NOS1AP: variants seen among roughly 807,000 people sequenced by gnomAD.
NOS1AP encodes the protein carboxyl-terminal PDZ ligand of neuronal nitric oxide synthase protein.
In NOS1AP, 21 loss-of-function variants were observed where a neutral mutation model predicts 56.2. The observed-to-expected ratio is 0.37, with a 90% CI of 0.26 to 0.54. NOS1AP has a LOEUF of 0.54. NOS1AP is among the 20% of genes least tolerant of loss of function. The pLI is 0.84. For missense variants in NOS1AP, 522 were observed against 657.8 expected (o/e 0.79, Z 2.26); for synonymous variants, 270 against 274.6 (o/e 0.98, Z 0.17).
At chr1:162,285,406 C>G (rs1655058046) in intron 2 of NOS1AP, among the ~76,000 whole-genome samples, 1 of 152,158 alleles carries the variant, frequency 6.6e-6, no homozygotes, top group East Asian at 1.9e-4. Context: ...GTTCTCCCAC[C>G]CAGAGGTTAT....
intron 1 of NOS1AP, among the ~76,000 whole-genome samples, chr1:162,150,734 C>T (rs1571066758): frequency 6.6e-6 from 1 of 152,210 alleles, no homozygotes; most frequent in East Asian, 1.9e-4. Context: ...TTTTTATGTA[C>T]CTGTTTCCCA....
At chr1:162,081,774 A>ATATATATTT in intron 1 of NOS1AP, among the ~76,000 whole-genome samples, 8 of 43,918 alleles carry the variant, frequency 1.8e-4, no homozygotes, top group Admixed American at 3.2e-4. Context: ...ATATATATAT[A>ATATATATTT]TTTTTTTTTT....
intron 1 of NOS1AP, among the ~76,000 whole-genome samples, chr1:162,151,328 T>G (rs905866379): frequency 3.3e-5 from 5 of 152,216 alleles, no homozygotes; most frequent in Non-Finnish European, 5.9e-5. Context: ...TATGTGTCTG[T>G]TTTTATGCCA....
chr1:162,213,803 T>C (rs1652452641), intron 2 of NOS1AP, among the ~76,000 whole-genome samples: 1 of 152,172 alleles, frequency 6.6e-6, no homozygotes, highest in African/African-American at 2.4e-5. Context: ...GCTCGTGTAG[T>C]TCTGAAAGGC....
chr1:162,134,752 C>T (rs1648914185), intron 1 of NOS1AP, among the ~76,000 whole-genome samples: 1 of 152,140 alleles, frequency 6.6e-6, no homozygotes, highest in Admixed American at 6.5e-5. Context: ...TCACTGGTCT[C>T]TTGTCATGTC....
chr1:162,162,952 A>G (rs1164482442), intron 2 of NOS1AP, among the ~76,000 whole-genome samples: 7 of 152,142 alleles, frequency 4.6e-5, no homozygotes, highest in Non-Finnish European at 5.9e-5. Context: ...CCTCTAATCC[A>G]TCATCCCTGA....
At chr1:162,352,179 C>G (rs2101815993) in intron 6 of NOS1AP, among the ~76,000 whole-genome samples, 1 of 152,294 alleles carries the variant, frequency 6.6e-6, no homozygotes, top group Admixed American at 6.5e-5. Context: ...CCTGTTTCAG[C>G]CTCCCAAGCA....
intron 1 of NOS1AP, among the ~76,000 whole-genome samples, chr1:162,080,840 C>T (rs1368396587): frequency 6.6e-6 from 1 of 152,192 alleles, no homozygotes; most frequent in Non-Finnish European, 1.5e-5. Flanking sequence ...GTGTTCCAGG[C>T]ACTGTGCCAA....
At position 162,333,070 on chromosome 1, in the gene NOS1AP, C is replaced by T. The variant is rs1379072910; in HGVS notation, c.398C>T (p.Ala133Val). Residue 133 changes from alanine (A) to valine (V), a missense_variant, in exon 5 of 10, where the codon GCT becomes GTT. By Grantham distance (64) the Ala-to-Val change is moderately conservative. Transcript: ENST00000361897. ...SQDLKIFSYI[A>V]RDGASNIFRC... Reference sequence around the variant, plus strand: ...GACTTGAAGATCTTCAGCTATATCGCTCGAGATGGTGCCAGCAATATCTTC... The same window carrying T: ...GACTTGAAGATCTTCAGCTATATCGTTCGAGATGGTGCCAGCAATATCTTC... 1.2e-6 allele frequency: 2 copies of T among 1,613,992 alleles called. No individual in the cohort carries two copies. Among genetic ancestry groups the T allele is most frequent in the Non-Finnish European group, 1.7e-6 (2 of 1,179,904 alleles).
intron 3 of NOS1AP, among the ~76,000 whole-genome samples, chr1:162,289,192 T>TTTCCTTCCTTCC (rs1257607965): frequency 7.7e-6 from 1 of 129,362 alleles, no homozygotes; most frequent in African/African-American, 2.9e-5. Context: ...TTTGCCTTTC[T>TTTCCTTCCTTCC]TTCCTTCCTT....
intron 1 of NOS1AP, among the ~76,000 whole-genome samples, chr1:162,143,873 G>T (rs1163705891): frequency 2.6e-5 from 4 of 152,200 alleles, no homozygotes; most frequent in Non-Finnish European, 5.9e-5. Context: ...AATTTAGGAG[G>T]TGTAGGATGT....
chr1:162,155,269 C>CATACAT (rs1649900988), intron 2 of NOS1AP, among the ~76,000 whole-genome samples: 1 of 141,754 alleles, frequency 7.1e-6, no homozygotes, highest in Non-Finnish European at 1.5e-5. Flanking sequence ...TATATATACA[C>CATACAT]ATACATATAC....
At chr1:162,072,316 T>C (rs1691677583) in intron 1 of NOS1AP, among the ~76,000 whole-genome samples, 1 of 152,150 alleles carries the variant, frequency 6.6e-6, no homozygotes. Context: ...ATGCAGGTGA[T>C]TGTGGCCAGA....
At chr1:162,297,999 G>A (rs916289105) in intron 3 of NOS1AP, among the ~76,000 whole-genome samples, 1 of 152,168 alleles carries the variant, frequency 6.6e-6, no homozygotes, top group Non-Finnish European at 1.5e-5. Flanking sequence ...AGGCATAAAA[G>A]CCCCAACAAA....
chr1:162,150,884 C>T (rs1461175626), intron 1 of NOS1AP, among the ~76,000 whole-genome samples: 1 of 152,144 alleles, frequency 6.6e-6, no homozygotes, highest in Admixed American at 6.5e-5. Flanking sequence ...AGGAAGTTTG[C>T]AGATTTTTTC....
intron 1 of NOS1AP, among the ~76,000 whole-genome samples, chr1:162,081,958 CA>C (rs1691905493): frequency 6.6e-6 from 1 of 150,980 alleles, no homozygotes; most frequent in Admixed American, 6.6e-5. Flanking sequence ...ATTTTAAGCT[CA>C]GGGGCACATG....
At chr1:162,272,885 T>A (rs1654625896) in intron 2 of NOS1AP, among the ~76,000 whole-genome samples, 1 of 152,180 alleles carries the variant, frequency 6.6e-6, no homozygotes, top group African/African-American at 2.4e-5. Context: ...TGGGCCTCAC[T>A]GCAGCTCCCA....
At position 162,188,310 on chromosome 1, in the gene NOS1AP, C is replaced by T. The variant is rs1056780628; in HGVS notation, c.177+33834C>T. Among the ~76,000 whole-genome samples the T allele has an allele frequency of 4.6e-5, 7 of 152,184 alleles. No homozygotes were observed. The highest frequency in any genetic ancestry group is 1.7e-4 in the African/African-American group (7 of 41,450). On this transcript the variant is annotated intron_variant, in intron 2 of 9. Coordinates refer to ENST00000361897, the MANE Select transcript of NOS1AP (RefSeq NM_014697.3). The surrounding 1 kb of genome is among the most constrained non-coding windows in gnomAD (Gnocchi z 4.0). Reference sequence around the variant, plus strand: ...TGGAAAGCTACTCAGTATTCTGTTCCACAAACTTCTGCTTAATGAGATAAT... The same window carrying T: ...TGGAAAGCTACTCAGTATTCTGTTCTACAAACTTCTGCTTAATGAGATAAT...
chr1:162,273,756 C>G (rs1359411222), intron 2 of NOS1AP, among the ~76,000 whole-genome samples: 5 of 152,304 alleles, frequency 3.3e-5, no homozygotes, highest in African/African-American at 1.2e-4. Context: ...ATGTAACCTT[C>G]ACCCCAATCA....
Sources: gnomAD v4.1 joint callset for allele counts (sites outside exome capture counted in the v4.1 genomes callset) on GRCh38, gnomAD v4.1.1 for gene constraint, Gnocchi (gnomAD v3.1) non-coding constraint, MANE v1.5 for transcripts, NCBI Gene and HGNC (gene_info 2026-07-23, HGNC 2026-07-21) for gene names.